The following SLC24A3 variants were observed in gnomAD, a reference collection of about 807,000 sequenced individuals.
The protein encoded by SLC24A3 is solute carrier family 24 member 3.
SLC24A3 carries 28 observed loss-of-function variants against 75.8 expected under a neutral mutation model. The observed-to-expected ratio is 0.37, with a 90% confidence interval of 0.27 to 0.51. The LOEUF is 0.51. SLC24A3 is among the 20% of genes least tolerant of loss of function. The probability of loss-of-function intolerance (pLI) is 0.94; values close to 1 mark genes in which losing one functional copy is unlikely to be tolerated. For synonymous variants in SLC24A3, 372 were observed against 334.1 expected, an observed-to-expected ratio of 1.11 and a Z score of -1.24; for missense variants, 663 against 847.8, an observed-to-expected ratio of 0.78 and a Z score of 2.71.
chr20:19,592,951 A>G (rs6046199), intron 6 of SLC24A3, among the ~76,000 whole-genome samples: 92,614 of 151,764 alleles, frequency 0.61, 29,364 homozygotes, highest in Non-Finnish European at 0.69. Flanking sequence ...GCCTGCCACC[A>G]TGCCTGGCTA....
chr20:19,432,992 C>T (rs983750157), intron 2 of SLC24A3, among the ~76,000 whole-genome samples: 2 of 152,132 alleles, frequency 1.3e-5, no homozygotes, highest in African/African-American at 4.8e-5. Context: ...AAAATTGCAA[C>T]CTCGGGCATA....
chr20:19,447,206 G>A (rs916038942), intron 2 of SLC24A3, among the ~76,000 whole-genome samples: 1 of 152,168 alleles, frequency 6.6e-6, no homozygotes, highest in Admixed American at 6.5e-5. Context: ...GAGGGTGGGT[G>A]TAAAAATGAA....
chr20:19,651,106 A>AT (rs1568685283), intron 6 of SLC24A3, among the ~76,000 whole-genome samples: 1 of 152,136 alleles, frequency 6.6e-6, no homozygotes, highest in East Asian at 1.9e-4. Context: ...ATTATGTTTT[A>AT]TTGTAACATA....
At chr20:19,494,323 C>T (rs865814099) in intron 2 of SLC24A3, among the ~76,000 whole-genome samples, 10 of 152,266 alleles carry the variant, frequency 6.6e-5, no homozygotes, top group South Asian at 2.1e-4. Flanking sequence ...GAGAAGTACT[C>T]TTGCAGTAAA....
intron 4 of SLC24A3, among the ~76,000 whole-genome samples, chr20:19,581,454 C>A (rs994242109): frequency 4.6e-5 from 7 of 152,098 alleles, no homozygotes; most frequent in African/African-American, 1.7e-4. Context: ...CCTGTGAATA[C>A]CCATGCCCTT....
intron 1 of SLC24A3, among the ~76,000 whole-genome samples, chr20:19,218,827 A>C (rs1189373997): frequency 6.6e-6 from 1 of 151,946 alleles, no homozygotes; most frequent in Non-Finnish European, 1.5e-5. Context: ...CTTTTTCTGT[A>C]TGGAGGTTTC....
intron 15 of SLC24A3, among the ~76,000 whole-genome samples, chr20:19,706,764 G>A (rs369785306): frequency 4.6e-5 from 7 of 152,152 alleles, no homozygotes; most frequent in South Asian, 2.1e-4. Context: ...TGACAATTCC[G>A]TAGAGAAAGC....
At chr20:19,608,106 A>G (rs2031621640) in intron 6 of SLC24A3, among the ~76,000 whole-genome samples, 1 of 152,230 alleles carries the variant, frequency 6.6e-6, no homozygotes, top group African/African-American at 2.4e-5. Flanking sequence ...ACCTCCTGCA[A>G]GAAGCCTTCC....
At chr20:19,444,458 T>G (rs955815048) in intron 2 of SLC24A3, among the ~76,000 whole-genome samples, 1 of 152,232 alleles carries the variant, frequency 6.6e-6, no homozygotes, top group African/African-American at 2.4e-5. Flanking sequence ...CATCTGGGCC[T>G]GGTTTTCTTT....
chr20:19,349,874 T>C (rs538277677), intron 2 of SLC24A3, among the ~76,000 whole-genome samples: 32 of 152,326 alleles, frequency 2.1e-4, no homozygotes, highest in Non-Finnish European at 4.1e-4. Context: ...TTTGATTTGC[T>C]CTGGTTGGTG....
intron 2 of SLC24A3, among the ~76,000 whole-genome samples, chr20:19,465,740 A>G (rs760883062): frequency 3.9e-5 from 6 of 152,160 alleles, no homozygotes; most frequent in East Asian, 1.9e-4. Context: ...TAGCTGCCCA[A>G]TTGCACTCAG....
chr20:19,639,112 C>T (rs759579196), intron 6 of SLC24A3, among the ~76,000 whole-genome samples: 22 of 152,240 alleles, frequency 1.4e-4, no homozygotes, highest in East Asian at 5.8e-4. Flanking sequence ...TTTGACAGGG[C>T]GCTGATTGGT....
chr20:19,670,749 T>A (rs1483289380), intron 8 of SLC24A3, among the ~76,000 whole-genome samples: 1 of 152,192 alleles, frequency 6.6e-6, no homozygotes, highest in Non-Finnish European at 1.5e-5. Flanking sequence ...TTGGTGTCGA[T>A]GAGATAAGAA....
intron 2 of SLC24A3, among the ~76,000 whole-genome samples, chr20:19,299,827 C>T (rs973540566): frequency 7.9e-5 from 12 of 152,174 alleles, no homozygotes; most frequent in African/African-American, 2.9e-4. Flanking sequence ...TATCCACAGG[C>T]AACTGGTTAA....
chr20:19,667,966 A>G (rs1351220268), intron 8 of SLC24A3, among the ~76,000 whole-genome samples: 1 of 152,192 alleles, frequency 6.6e-6, no homozygotes, highest in African/African-American at 2.4e-5. Flanking sequence ...AATTATGAGT[A>G]AGAGGCTTGG....
At chr20:19,287,522 C>T (rs1309542092) in intron 2 of SLC24A3, among the ~76,000 whole-genome samples, 2 of 152,216 alleles carry the variant, frequency 1.3e-5, no homozygotes, top group Non-Finnish European at 2.9e-5. Flanking sequence ...TTTCTTTATG[C>T]TTATCTCATT....
At chr20:19,391,349 A>C (rs1436947655) in intron 2 of SLC24A3, among the ~76,000 whole-genome samples, 2 of 152,118 alleles carry the variant, frequency 1.3e-5, no homozygotes, top group Non-Finnish European at 2.9e-5. Flanking sequence ...ATAGTCCCTG[A>C]GTGTGAGTCT....
At chr20:19,338,596 G>A (rs1985193058) in intron 2 of SLC24A3, among the ~76,000 whole-genome samples, 1 of 152,190 alleles carries the variant, frequency 6.6e-6, no homozygotes, top group Non-Finnish European at 1.5e-5. Context: ...TCAGCCAGTT[G>A]TTTGGATGAA....
intron 2 of SLC24A3, among the ~76,000 whole-genome samples, chr20:19,402,508 CAAG>C (rs1213956863): frequency 3.9e-5 from 6 of 152,146 alleles, no homozygotes; most frequent in South Asian, 4.1e-4. Flanking sequence ...ATGTCCTCAA[CAAG>C]AAGTAGAATT....
Sources: allele counts gnomAD v4.1 joint callset (sites outside exome capture counted in the v4.1 genomes callset), GRCh38; gene constraint gnomAD v4.1.1; transcripts MANE v1.5; gene names NCBI Gene and HGNC (gene_info 2026-07-23, HGNC 2026-07-21).